SORBS2: variants seen among roughly 807,000 people sequenced by gnomAD.
SORBS2 encodes the protein sorbin and SH3 domain-containing protein 2.
Under a neutral mutation model 97.7 loss-of-function variants are expected in SORBS2, and 46 were observed. That is an observed-to-expected ratio of 0.47 (90% CI 0.37 to 0.60). The LOEUF is 0.60. Ranked by LOEUF, SORBS2 falls within the 20% of genes least tolerant of loss-of-function variation. The probability of loss-of-function intolerance (pLI) is 0.00; values close to 1 mark genes in which losing one functional copy is unlikely to be tolerated. For synonymous variants in SORBS2, 476 were observed against 473.4 expected (o/e 1.01, Z -0.07); for missense variants, 1,316 against 1,282.3 (o/e 1.03, Z -0.40).
chr4:185,695,143 A>G (rs926634118), intron 2 of SORBS2, among the ~76,000 whole-genome samples: 2 of 152,192 alleles, frequency 1.3e-5, no homozygotes, highest in East Asian at 3.8e-4. Context: ...TTGATCCTGC[A>G]TGGGCATGAA....
At chr4:185,702,895 T>C (rs1485653332) in intron 2 of SORBS2, among the ~76,000 whole-genome samples, 1 of 152,190 alleles carries the variant, frequency 6.6e-6, no homozygotes, top group Non-Finnish European at 1.5e-5. Context: ...CAAACCACTA[T>C]GCTACTGTCA....
intron 2 of SORBS2, among the ~76,000 whole-genome samples, chr4:185,746,087 A>G (rs1013452506): frequency 1.3e-5 from 2 of 152,332 alleles, no homozygotes; most frequent in African/African-American, 4.8e-5. Context: ...CTTTTCATCA[A>G]GGGGCCTTTG....
At chr4:185,651,352 T>C (rs1157656208) in intron 2 of SORBS2, among the ~76,000 whole-genome samples, 1 of 152,244 alleles carries the variant, frequency 6.6e-6, no homozygotes, top group Admixed American at 6.5e-5. Flanking sequence ...CAATGAATGG[T>C]TGCATTTTGG....
intron 9 of SORBS2, among the ~76,000 whole-genome samples, chr4:185,617,204 T>C (rs1319262039): frequency 6.6e-6 from 1 of 152,248 alleles, no homozygotes; most frequent in Non-Finnish European, 1.5e-5. Context: ...CTCCGTAACA[T>C]TATTTTATAA....
At chr4:185,848,369 T>C (rs1005448648) in intron 1 of SORBS2, among the ~76,000 whole-genome samples, 2 of 152,180 alleles carry the variant, frequency 1.3e-5, no homozygotes, top group African/African-American at 4.8e-5. Context: ...TTTTAGTTCA[T>C]GAAATCCTTT....
chr4:185,855,968 C>T (rs1394203996), intron 1 of SORBS2, among the ~76,000 whole-genome samples: 1 of 152,120 alleles, frequency 6.6e-6, no homozygotes, highest in African/African-American at 2.4e-5. Context: ...CTTTGGGATT[C>T]TCAGCACATA....
intron 12 of SORBS2, among the ~76,000 whole-genome samples, chr4:185,597,537 GAAAC>G (rs1317198470): frequency 6.6e-6 from 1 of 152,120 alleles, no homozygotes; most frequent in Non-Finnish European, 1.5e-5. Flanking sequence ...AACAGAAAAA[GAAAC>G]AAAATGGTAA....
intron 1 of SORBS2, among the ~76,000 whole-genome samples, chr4:185,893,350 C>T (rs2099243393): frequency 6.6e-6 from 1 of 152,242 alleles, no homozygotes; most frequent in South Asian, 2.1e-4. Flanking sequence ...GACAGCACCA[C>T]TGCCGCGCTG....
chr4:185,607,447 G>A lies in SORBS2; in HGVS notation c.2796+4333C>T, dbSNP rs2096451555. The A allele has an allele frequency of 1.9e-6, 1 of 532,896 alleles. No individual in the cohort carries two copies. The highest frequency in any genetic ancestry group is 3.0e-6 in the Non-Finnish European group (1 of 327,970). 33.0% of individuals were successfully genotyped at this position (532,896 alleles called of 1,614,324 possible). The stretch of plus-strand genomic sequence containing the variant: ...AGCGATGGAGAAATGCAGAAAAGAT[G>A]CGGTGGTGAATATGAAAATAATTTT... On this transcript the variant is annotated intron_variant, in intron 12 of 14. Coordinates refer to ENST00000418609, the Ensembl canonical transcript of SORBS2. The surrounding 1 kb of genome is among the most constrained non-coding windows in gnomAD (Gnocchi z 5.2).
rs1245971074 is a variant in SORBS2, at chr4:185,652,758, A to C, written c.25-30T>G. The C allele has an allele frequency of 2.6e-6, 4 of 1,560,146 alleles. No individual in the cohort carries two copies. In the African/African-American group the frequency reaches 5.4e-5, roughly 21 times the overall value. On this transcript the variant is annotated intron_variant, in intron 1 of 14. Transcript: ENST00000418609. ...AATGAAGAGAGCGTCCAATGGTTAC[A>C]AACTGGCTTCCAATCAACATCGCTT...
intron 2 of SORBS2, chr4:185,773,855 T>C (rs2098986056): frequency 6.6e-6 from 1 of 152,138 alleles, no homozygotes; most frequent in South Asian, 2.1e-4. Context: ...TGCTACATTT[T>C]GCCCATTTTA....
chr4:185,871,360 A>AT (rs911849723), intron 1 of SORBS2, among the ~76,000 whole-genome samples: 3 of 152,186 alleles, frequency 2.0e-5, no homozygotes, highest in African/African-American at 7.2e-5. Flanking sequence ...CAAAAGATGG[A>AT]TTTTACAAAT....
intron 2 of SORBS2, among the ~76,000 whole-genome samples, chr4:185,704,379 C>A (rs557021051): frequency 3.3e-5 from 5 of 151,986 alleles, no homozygotes; most frequent in Non-Finnish European, 5.9e-5. Flanking sequence ...AGTGCAGTGG[C>A]GTGATCTCGG....
chr4:185,856,861 G>C (rs1386905505), intron 1 of SORBS2, among the ~76,000 whole-genome samples: 2 of 152,168 alleles, frequency 1.3e-5, no homozygotes, highest in Non-Finnish European at 2.9e-5. Flanking sequence ...CATCTCACAA[G>C]GTGGCAGGAG....
chr4:185,589,957 G>T (rs1314268970), intron 13 of SORBS2, 172 bp from the exon 26 acceptor site: 2 of 511,286 alleles, frequency 3.9e-6, no homozygotes, highest in Admixed American at 3.4e-5. Context: ...TACAAGCCTG[G>T]TAAGCAGGTA....
chr4:185,822,603 C>T (rs563599990), intron 1 of SORBS2, among the ~76,000 whole-genome samples: 1 of 152,352 alleles, frequency 6.6e-6, no homozygotes, highest in African/African-American at 2.4e-5. Flanking sequence ...ATGATAATAA[C>T]TTGACTTCTA....
chr4:185,952,839 C>A (rs1220948958), intron 1 of SORBS2, among the ~76,000 whole-genome samples: 1 of 152,172 alleles, frequency 6.6e-6, no homozygotes, highest in Non-Finnish European at 1.5e-5. Context: ...TAAACAAATT[C>A]TTCCTACAAA....
chr4:185,624,246 C>T (rs1210539275), exon 7 of SORBS2: 1 of 1,614,146 alleles, frequency 6.2e-7, no homozygotes, highest in East Asian at 2.2e-5. Flanking sequence ...CTATCGCAGT[C>T]GTCGTTTAGG....
At chr4:185,731,443 T>C in intron 2 of SORBS2, among the ~76,000 whole-genome samples, 1 of 150,724 alleles carries the variant, frequency 6.6e-6, no homozygotes, top group Admixed American at 6.6e-5. Context: ...GAAAGTGTTC[T>C]CTCCCCCTCC....
Sources: gnomAD v4.1 joint callset for allele counts (sites outside exome capture counted in the v4.1 genomes callset) on GRCh38, gnomAD v4.1.1 for gene constraint, Gnocchi (gnomAD v3.1) non-coding constraint, MANE v1.5 for transcripts, NCBI Gene and HGNC (gene_info 2026-07-23, HGNC 2026-07-21) for gene names.